The following CSMD1 variants were observed in gnomAD, a reference collection of about 807,000 sequenced individuals.
CSMD1 encodes the protein CUB and Sushi multiple domains 1, also known as CUB and sushi domain-containing protein 1.
In CSMD1, 213 loss-of-function variants were observed where a neutral mutation model predicts 417.5. That is an observed-to-expected ratio of 0.51 (90% CI 0.46 to 0.57). The LOEUF is 0.57. CSMD1 is among the 20% of genes least tolerant of loss of function. The pLI, the probability that CSMD1 is intolerant of heterozygous loss-of-function variation, is 0.00. For missense variants in CSMD1, 6,923 were observed against 4,529.7 expected (o/e 1.53, Z -15.17); for synonymous variants, 2,862 against 1,736.8 (o/e 1.65, Z -16.11).
At position 4,244,857 on chromosome 8, in the gene CSMD1, A is replaced by C. The variant is rs140136937; in HGVS notation, c.415+175096T>G. On this transcript the variant is annotated intron_variant, in intron 3 of 69. Transcript: ENST00000635120. ...GACCTCCTTCTGGTGTCATTGTAACAAGATCCCCTAGGGATATTAAACTCC... is the reference window on the plus strand; with the variant it reads ...GACCTCCTTCTGGTGTCATTGTAACCAGATCCCCTAGGGATATTAAACTCC... Among the ~76,000 whole-genome samples the C allele has an allele frequency of 3.3e-5, 5 of 152,326 alleles. No homozygotes were observed. In the East Asian group the frequency reaches 9.6e-4, roughly 29 times the overall value.
intron 4 of CSMD1, among the ~76,000 whole-genome samples, 194 bp downstream of exon 4, chr8:4,031,711 G>A (rs1563340127): frequency 6.6e-6 from 1 of 152,112 alleles, no homozygotes; most frequent in East Asian, 1.9e-4. Flanking sequence ...AATATTAAAT[G>A]TTATTACACA....
chr8:4,477,374 A>T (rs1316891273), intron 2 of CSMD1, among the ~76,000 whole-genome samples: 1 of 152,168 alleles, frequency 6.6e-6, no homozygotes, highest in Non-Finnish European at 1.5e-5. Flanking sequence ...TCCACAAGCC[A>T]TCGGCAACGC....
In CSMD1 at chr8:3,754,057, G is replaced by A. The variant is rs543258309; in HGVS notation, c.819-15C>T. On this transcript the variant is annotated splice_polypyrimidine_tract_variant and intron_variant, in intron 5 of 69. Transcript: ENST00000635120. Reference sequence around the variant, plus strand: ...TGCCAGTTAGCCTAGAGAAGAGAAAGAGGAAAAAAATCTCCCTTGTAAACC... The same window carrying A: ...TGCCAGTTAGCCTAGAGAAGAGAAAAAGGAAAAAAATCTCCCTTGTAAACC... The A allele has an allele frequency of 2.0e-4, 314 of 1,579,286 alleles. 5 individuals are homozygous for A. In the South Asian group the frequency reaches 3.4e-3, roughly 17 times the overall value.
At chr8:4,457,146 G>T (rs1457884417) in intron 2 of CSMD1, among the ~76,000 whole-genome samples, 2 of 152,038 alleles carry the variant, frequency 1.3e-5, no homozygotes, top group Admixed American at 1.3e-4. Flanking sequence ...TATACCTTTT[G>T]ATACCATGAT....
intron 3 of CSMD1, among the ~76,000 whole-genome samples, chr8:4,043,026 G>A (rs113160273): frequency 6.6e-6 from 1 of 151,910 alleles, no homozygotes; most frequent in Non-Finnish European, 1.5e-5. Context: ...CAGCTACTTG[G>A]GAGGTTGAAG....
intron 50 of CSMD1, among the ~76,000 whole-genome samples, chr8:3,046,680 C>T (rs577562678): frequency 1.3e-5 from 2 of 152,120 alleles, no homozygotes; most frequent in Non-Finnish European, 2.9e-5. Flanking sequence ...GCCCAAAGCA[C>T]CGGTGTCTAA....
intron 3 of CSMD1, among the ~76,000 whole-genome samples, chr8:4,202,613 A>C (rs997414369): frequency 6.6e-6 from 1 of 152,190 alleles, no homozygotes; most frequent in East Asian, 1.9e-4. Context: ...CTCTTTGAGT[A>C]TCATGGTGGA....
At chr8:3,913,967 G>C (rs556424740) in intron 5 of CSMD1, among the ~76,000 whole-genome samples, 70 of 152,172 alleles carry the variant, frequency 4.6e-4, no homozygotes, top group African/African-American at 1.6e-3. Flanking sequence ...ATAAAGGAAA[G>C]TACTTTAGCC....
chr8:3,444,817 T>C (rs1815201503), intron 12 of CSMD1, among the ~76,000 whole-genome samples: 1 of 152,338 alleles, frequency 6.6e-6, no homozygotes, highest in South Asian at 2.1e-4. Context: ...GCTTCTTTTA[T>C]AGGAGAACCT....
chr8:3,209,090 A>G (rs1797458805), intron 30 of CSMD1, among the ~76,000 whole-genome samples: 2 of 152,178 alleles, frequency 1.3e-5, no homozygotes, highest in Admixed American at 6.5e-5. Flanking sequence ...AGTAGAGGAC[A>G]TTTTTGAAAA....
At chr8:4,740,766 T>C (rs926567815) in intron 1 of CSMD1, among the ~76,000 whole-genome samples, 3 of 152,156 alleles carry the variant, frequency 2.0e-5, no homozygotes, top group Non-Finnish European at 2.9e-5. Flanking sequence ...ATAAATGTTC[T>C]ACCTCTTCTC....
chr8:3,307,557 CTT>C, intron 25 of CSMD1, 136 bp downstream of exon 25: 1 of 1,046,232 alleles, frequency 9.6e-7, no homozygotes. Flanking sequence ...GCCAACAAAA[CTT>C]TTAGCTACAG....
chr8:3,671,247 G>T (rs940789523), intron 7 of CSMD1, among the ~76,000 whole-genome samples: 5 of 137,758 alleles, frequency 3.6e-5, no homozygotes, highest in South Asian at 2.4e-4. Flanking sequence ...ATATGTGTGG[G>T]ATATATATAT....
chr8:3,335,569 A>T (rs155327), intron 23 of CSMD1, among the ~76,000 whole-genome samples: 1 of 151,702 alleles, frequency 6.6e-6, no homozygotes, highest in Non-Finnish European at 1.5e-5. Context: ...CCCAGCTACT[A>T]GGGAGGCTGA....
intron 19 of CSMD1, among the ~76,000 whole-genome samples, chr8:3,368,471 C>A (rs1018146252): frequency 6.6e-6 from 1 of 152,048 alleles, no homozygotes; most frequent in African/African-American, 2.4e-5. Flanking sequence ...AGAGTAGCTG[C>A]GATTACAGGC....
In CSMD1 at chr8:3,094,326, A is replaced by T. The variant is rs190214933; in HGVS notation, c.7138+2523T>A. Among the ~76,000 whole-genome samples the T allele has an allele frequency of 2.1e-3, 316 of 152,056 alleles. 2 individuals are homozygous for T. The highest frequency in any genetic ancestry group is 7.5e-3 in the African/African-American group (313 of 41,478). The stretch of plus-strand genomic sequence containing the variant: ...CACCACGCTGGCCAGGCTGGTCTCA[A>T]ACTCCTGACCTCAGGTGATCCATTC... On this transcript the variant is annotated intron_variant, in intron 47 of 69. Transcript: ENST00000635120.
At chr8:3,786,251 T>A (rs1799451886) in intron 5 of CSMD1, among the ~76,000 whole-genome samples, 1 of 152,018 alleles carries the variant, frequency 6.6e-6, no homozygotes, top group South Asian at 2.1e-4. Context: ...TCGGGAGATG[T>A]CAAGGCAAGA....
intron 11 of CSMD1, among the ~76,000 whole-genome samples, chr8:3,474,674 G>C (rs1479520814): frequency 1.3e-5 from 2 of 151,866 alleles, no homozygotes; most frequent in African/African-American, 2.4e-5. Flanking sequence ...AATTGGTTTT[G>C]GTATACAGAG....
At chr8:4,710,482 G>A (rs1355385580) in intron 1 of CSMD1, among the ~76,000 whole-genome samples, 9 of 123,616 alleles carry the variant, frequency 7.3e-5, no homozygotes, top group South Asian at 2.6e-4. Context: ...ATATATATAT[G>A]TATCTCTGTC....
Sources: gnomAD v4.1 joint callset for allele counts (sites outside exome capture counted in the v4.1 genomes callset) on GRCh38, gnomAD v4.1.1 for gene constraint, MANE v1.5 for transcripts, NCBI Gene and HGNC (gene_info 2026-07-23, HGNC 2026-07-21) for gene names.